The following SPOCK1 variants were observed in gnomAD, a reference collection of about 807,000 sequenced individuals.
SPOCK1 encodes SPARC (osteonectin), cwcv and kazal like domains proteoglycan 1, also known as testican-1.
In SPOCK1, 23 loss-of-function variants were observed where a neutral mutation model predicts 55.3. The observed-to-expected ratio is 0.42, with a 90% CI of 0.30 to 0.59. The LOEUF is 0.59. Among genes scored for constraint, SPOCK1 ranks in the 20% least tolerant of loss-of-function variants. The probability of loss-of-function intolerance (pLI) is 0.22; values close to 1 mark genes in which losing one functional copy is unlikely to be tolerated. For synonymous variants in SPOCK1, 226 were observed against 221.0 expected (o/e 1.02, Z -0.20); for missense variants, 499 against 552.5 (o/e 0.90, Z 0.97).
intron 3 of SPOCK1, among the ~76,000 whole-genome samples, chr5:137,166,099 GACT>G (rs1269535393): frequency 2.6e-5 from 4 of 151,924 alleles, no homozygotes; most frequent in Non-Finnish European, 5.9e-5. Context: ...ATCCAAAGAA[GACT>G]ACCTCAGGAC....
intron 2 of SPOCK1, among the ~76,000 whole-genome samples, chr5:137,318,270 C>A (rs1757918562): frequency 6.6e-6 from 1 of 152,146 alleles, no homozygotes; most frequent in African/African-American, 2.4e-5. Flanking sequence ...TGGATAGATA[C>A]TGGGTTTGAG....
chr5:137,280,279 G>T (rs1580844710), intron 2 of SPOCK1, among the ~76,000 whole-genome samples: 1 of 152,182 alleles, frequency 6.6e-6, no homozygotes, highest in Non-Finnish European at 1.5e-5. Context: ...CCAGCTGACA[G>T]AAATCATATA....
At chr5:137,156,405 A>T (rs1163191299) in intron 3 of SPOCK1, among the ~76,000 whole-genome samples, 2 of 152,174 alleles carry the variant, frequency 1.3e-5, no homozygotes, top group African/African-American at 2.4e-5. Context: ...AAAATTCCTC[A>T]TGAGAACACA....
chr5:137,197,858 G>C (rs953539105), intron 3 of SPOCK1, among the ~76,000 whole-genome samples: 1 of 152,116 alleles, frequency 6.6e-6, no homozygotes, highest in African/African-American at 2.4e-5. Flanking sequence ...AATTAAACAA[G>C]ACAATCTATA....
chr5:137,282,767 A>G (rs1757191659), intron 2 of SPOCK1, among the ~76,000 whole-genome samples: 1 of 152,098 alleles, frequency 6.6e-6, no homozygotes, highest in African/African-American at 2.4e-5. Flanking sequence ...CTATGGTATC[A>G]TCTACTTTTG....
Position 136,976,084 on chromosome 5 carries a change from T to G in SPOCK1, c.*2570A>C, listed in dbSNP as rs189802369. The stretch of plus-strand genomic sequence containing the variant: ...ACAAGTGGACTTTTTGGAGGACTAT[T>G]TCCAAGAAGAAGAAAGCAAACATTC... On this transcript the variant is annotated 3_prime_UTR_variant, in exon 11 of 11. Transcript: ENST00000394945. 2.4e-4 allele frequency: 37 copies of G among 152,312 alleles called. No homozygotes were observed. Among genetic ancestry groups the G allele is most frequent in the Admixed American group, 1.8e-3 (28 of 15,308 alleles). The allele number at this position is 152,312 out of a possible 1,614,324, so 9.4% of individuals were successfully genotyped here. A position where few individuals can be genotyped will look rare whatever the true frequency, so the allele number is the denominator to read the frequency against.
intron 2 of SPOCK1, among the ~76,000 whole-genome samples, chr5:137,473,446 G>T (rs1279213649): frequency 6.6e-6 from 1 of 152,162 alleles, no homozygotes; most frequent in Non-Finnish European, 1.5e-5. Flanking sequence ...AAGAAACACA[G>T]AAATAATAAA....
At chr5:137,302,317 C>G (rs1391413407) in intron 2 of SPOCK1, among the ~76,000 whole-genome samples, 5 of 151,976 alleles carry the variant, frequency 3.3e-5, no homozygotes, top group Admixed American at 6.6e-5. Context: ...CGCCTGTAAT[C>G]CCAGCACTTT....
intron 5 of SPOCK1, among the ~76,000 whole-genome samples, chr5:137,111,471 C>T (rs536263956): frequency 1.3e-5 from 2 of 152,302 alleles, no homozygotes; most frequent in South Asian, 4.1e-4. Flanking sequence ...CTGACACACG[C>T]ACCCATACAC....
Position 137,136,629 on chromosome 5 carries a change from CT to C in SPOCK1, c.347+3950del, listed in dbSNP as rs556018840. ...TGTGACCATTGCCTATTTCTTGTTT[CT>C]TTTTTTCTCTACTTTTAATGTTTTC... On this transcript the variant is annotated intron_variant, in intron 4 of 10. Coordinates refer to ENST00000394945, the MANE Select transcript of SPOCK1 (RefSeq NM_004598.4). Among the ~76,000 whole-genome samples the C allele has an allele frequency of 2.3e-3, 347 of 152,186 alleles. 2 individuals are homozygous for C. The highest frequency in any genetic ancestry group is 8.2e-3 in the African/African-American group (339 of 41,540).
chr5:137,026,508 G>A (rs1223400517), intron 6 of SPOCK1, among the ~76,000 whole-genome samples: 1 of 152,160 alleles, frequency 6.6e-6, no homozygotes, highest in East Asian at 1.9e-4. Flanking sequence ...TCTTCCCTGG[G>A]TCTCCAGCCT....
chr5:136,980,024 C>T (rs1750698982), intron 9 of SPOCK1, among the ~76,000 whole-genome samples: 1 of 152,180 alleles, frequency 6.6e-6, no homozygotes, highest in South Asian at 2.1e-4. Flanking sequence ...CAACACCAGT[C>T]TGTGGATCAT....
chr5:137,102,381 T>A (rs1753287787), intron 5 of SPOCK1, among the ~76,000 whole-genome samples: 1 of 152,152 alleles, frequency 6.6e-6, no homozygotes, highest in South Asian at 2.1e-4. Context: ...TTAAAATCCC[T>A]ATTCTCTGCT....
intron 3 of SPOCK1, among the ~76,000 whole-genome samples, chr5:137,212,490 A>G (rs1414166512): frequency 3.9e-5 from 6 of 152,216 alleles, no homozygotes; most frequent in Non-Finnish European, 8.8e-5. Context: ...TATTAATTCA[A>G]CAAACATAAG....
intron 6 of SPOCK1, among the ~76,000 whole-genome samples, chr5:137,041,921 A>T (rs1357862691): frequency 6.6e-6 from 1 of 152,220 alleles, no homozygotes; most frequent in Admixed American, 6.5e-5. Context: ...TAAATATCTT[A>T]TAAACAAGTT....
chr5:137,135,112 C>T (rs970042605), intron 4 of SPOCK1, among the ~76,000 whole-genome samples: 2 of 152,232 alleles, frequency 1.3e-5, no homozygotes, highest in Admixed American at 6.5e-5. Context: ...CCAGAGGCTT[C>T]GAAGGGTACA....
chr5:137,235,106 G>C (rs1756151912), intron 3 of SPOCK1, among the ~76,000 whole-genome samples: 1 of 152,206 alleles, frequency 6.6e-6, no homozygotes, highest in Non-Finnish European at 1.5e-5. Context: ...TGAATCATTG[G>C]CAAAGTGGGA....
At chr5:137,498,257 C>G in intron 2 of SPOCK1, 116 bp downstream of exon 2, 1 of 1,063,256 alleles carries the variant, frequency 9.4e-7, no homozygotes, top group Middle Eastern at 3.3e-4. Context: ...CCACCTGTCC[C>G]CCTCCCAACC....
At chr5:137,438,491 A>G (rs1307346099) in intron 2 of SPOCK1, among the ~76,000 whole-genome samples, 1 of 152,226 alleles carries the variant, frequency 6.6e-6, no homozygotes, top group Non-Finnish European at 1.5e-5. Flanking sequence ...AAGTCCTCAA[A>G]GTAGTGAATG....
Sources: gnomAD v4.1 joint callset for allele counts (sites outside exome capture counted in the v4.1 genomes callset) on GRCh38, gnomAD v4.1.1 for gene constraint, MANE v1.5 for transcripts, NCBI Gene and HGNC (gene_info 2026-07-23, HGNC 2026-07-21) for gene names.